THRAP3: variants seen among roughly 807,000 people sequenced by gnomAD.
THRAP3 encodes the protein thyroid hormone receptor associated protein 3.
THRAP3 carries 16 observed loss-of-function variants against 101.0 expected under a neutral mutation model. The ratio of observed to expected loss-of-function variants is 0.16; its 90% CI spans 0.11 to 0.24. The LOEUF (loss-of-function observed/expected upper bound fraction) is 0.24. Ranked by LOEUF, THRAP3 falls within the 10% of genes least tolerant of loss-of-function variation. The pLI is 1.00. For missense variants in THRAP3, 989 were observed against 1,202.7 expected, an observed-to-expected ratio of 0.82 and a Z score of 2.63; for synonymous variants, 407 against 422.6, an observed-to-expected ratio of 0.96 and a Z score of 0.45.
intron 2 of THRAP3, among the ~76,000 whole-genome samples, chr1:36,271,247 C>T (rs1471779907): frequency 2.0e-5 from 3 of 152,126 alleles, no homozygotes; most frequent in African/African-American, 4.8e-5. Context: ...AATTTCAGTA[C>T]CAAGTTCCAG....
chr1:36,239,497 G>A (rs376514406), intron 1 of THRAP3, among the ~76,000 whole-genome samples: 2 of 152,066 alleles, frequency 1.3e-5, no homozygotes, highest in Admixed American at 6.6e-5. Context: ...TAATGCCTGT[G>A]CTCAAGTAAT....
chr1:36,281,565 TC>T lies in THRAP3; in HGVS notation c.-31-967del, dbSNP rs1377847044. ...GAAAGAGCAGAGTGGTTTTTAAAAA[TC>T]AGTCATTTCATCTTTTTTTTTTTTT... On this transcript the variant is annotated intron_variant, in intron 2 of 11. Coordinates refer to ENST00000354618, the MANE Select transcript of THRAP3 (RefSeq NM_005119.4). Among the ~76,000 whole-genome samples the T allele has an allele frequency of 4.4e-5, 6 of 136,160 alleles. No homozygotes were observed. In the Admixed American group the frequency reaches 5.0e-4, roughly 11 times the overall value. The allele number at this position is 136,160 out of a possible 152,430, so 89.3% of individuals were successfully genotyped here. A position where few individuals can be genotyped will look rare whatever the true frequency, so the allele number is the denominator to read the frequency against.
In THRAP3 at chr1:36,286,378, C is replaced by T; in HGVS notation, c.148C>T (p.Arg50Cys). The change falls in exon 4 of 12, where the codon CGT (arginine) becomes TGT (cysteine). Residue 50 changes from arginine to cysteine, a missense_variant. By Grantham distance (180) the Arg-to-Cys change is radical. Transcript: ENST00000354618. The surrounding 1 kb of genome is among the most constrained non-coding windows in gnomAD (Gnocchi z 5.5). ...TCCTTTCCATTCCAGTTCTAGGTCT[C>T]GTTCCAGATCATATTCTCCAGCTCA... ...SRKRRLSSRS[R>C]SRSYSPAHNR... 6.3e-7 allele frequency: 1 copy of T among 1,577,984 alleles called. No individual in the cohort carries two copies.
chr1:36,304,564 C>CA lies in THRAP3; in HGVS notation c.*548dup, dbSNP rs1646074904. The CA allele has an allele frequency of 4.6e-6, 1 of 218,204 alleles. No homozygotes were observed. The highest frequency in any genetic ancestry group is 9.2e-6 in the Non-Finnish European group (1 of 109,038). 13.5% of individuals were successfully genotyped at this position (218,204 alleles called of 1,614,324 possible). A position where few individuals can be genotyped will look rare whatever the true frequency, so the allele number is the denominator to read the frequency against. Reference sequence around the variant, plus strand: ...GCATGTGAATAAACTTTGAAGTGTTCACCTCAGTTTGGGACCAAACTGCTT... The same window carrying CA: ...GCATGTGAATAAACTTTGAAGTGTTCAACCTCAGTTTGGGACCAAACTGCTT... On this transcript the variant is annotated 3_prime_UTR_variant, in exon 12 of 12. Transcript: ENST00000354618.
At chr1:36,213,941 AAGAAAGAAAGAAAGAAAGAAGGAAAG>A in the THRAP3 span, among the ~76,000 whole-genome samples, 615 of 128,450 alleles carry the variant, frequency 4.8e-3, 13 homozygotes, top group African/African-American at 0.017. Flanking sequence ...GAAAGAAAGA[AAGAAAGAAAGAAAGAAAGAAGGAAAG>A]AGAAAGAAAG....
Position 36,286,469 on chromosome 1 carries a change from A to G in THRAP3, c.239A>G (p.Tyr80Cys), listed in dbSNP as rs778884361. 2 of 1,614,212 alleles carry G rather than the reference A, an allele frequency of 1.2e-6. No homozygotes were observed. Among genetic ancestry groups the G allele is most frequent in the Non-Finnish European group, 1.7e-6 (2 of 1,180,030 alleles). Residue 80 changes from tyrosine (Y) to cysteine (C), a missense_variant, in exon 4 of 12, where the codon TAT (tyrosine) becomes TGT (cysteine). Physicochemically the swap from Tyr to Cys is radical, Grantham distance 194. Transcript: ENST00000354618. This position sits in a 1 kb window ranked among gnomAD's most constrained non-coding sequence, Gnocchi z 5.5. Reference sequence around the variant, plus strand: ...GATTTCCGAGGTCACAACAGAGGCTATAGAAGGCCCTATTATTTCCGTGGG... The same window carrying G: ...GATTTCCGAGGTCACAACAGAGGCTGTAGAAGGCCCTATTATTTCCGTGGG... Reference protein sequence around the residue: ...NRDFRGHNRGYRRPYYFRGRN... With the variant: ...NRDFRGHNRGCRRPYYFRGRN...
At chr1:36,243,476 T>C (rs1022017700) in intron 1 of THRAP3, among the ~76,000 whole-genome samples, 1 of 151,986 alleles carries the variant, frequency 6.6e-6, no homozygotes, top group African/African-American at 2.4e-5. Context: ...CAACCCTGAG[T>C]GGATACAGCA....
At chr1:36,231,828 G>A (rs1645031130) in intron 1 of THRAP3, among the ~76,000 whole-genome samples, 1 of 152,106 alleles carries the variant, frequency 6.6e-6, no homozygotes, top group Non-Finnish European at 1.5e-5. Flanking sequence ...AATTCCTTTG[G>A]CTTGAAAGAC....
Position 36,303,852 on chromosome 1 carries a change from A to G in THRAP3, c.2703A>G (p.Arg901=). 2 of 1,614,126 alleles carry G rather than the reference A, an allele frequency of 1.2e-6. No individual in the cohort carries two copies. The highest frequency in any genetic ancestry group is 1.7e-6 in the Non-Finnish European group (2 of 1,180,014). Residue 901 remains arginine, a synonymous_variant, in exon 12 of 12, where the codon CGA becomes CGG. Coordinates refer to ENST00000354618, the MANE Select transcript of THRAP3 (RefSeq NM_005119.4). ...AGTGGGTGAGCCGGGGCCGGGGCCG[A>G]GGAGCCTTTCCTCGGGGTCGGGGCC... is the stretch of plus-strand genomic sequence containing the variant. ...SDKWVSRGRG[R]GAFPRGRGRF... is the part of the protein sequence containing the mutation.
chr1:36,283,881 A>G (rs1416102263), intron 3 of THRAP3, among the ~76,000 whole-genome samples: 2 of 152,202 alleles, frequency 1.3e-5, no homozygotes, highest in Non-Finnish European at 2.9e-5. Context: ...GGAGTCTATG[A>G]GAAGCCAGCC....
chr1:36,237,894 T>A (rs186542679), intron 1 of THRAP3, among the ~76,000 whole-genome samples: 1 of 152,218 alleles, frequency 6.6e-6, no homozygotes, highest in Non-Finnish European at 1.5e-5. Context: ...TGAACATAGC[T>A]GACTGTAGCC....
intron 1 of THRAP3, among the ~76,000 whole-genome samples, chr1:36,241,432 C>CACAT (rs1162814416): frequency 1.8e-4 from 24 of 135,674 alleles, no homozygotes; most frequent in African/African-American, 7.0e-4. Flanking sequence ...TATATATACA[C>CACAT]ATATATAAAT....
rs1031029489 is a variant in THRAP3, at chr1:36,289,730, G to A, written c.1711G>A (p.Val571Ile). The change falls in exon 5 of 12, where the codon GTC becomes ATC. Residue 571 changes from valine to isoleucine, a missense_variant. By Grantham distance (29) the Val-to-Ile change is conservative (BLOSUM62 3). Transcript: ENST00000354618. ...FSITREAQVN[V>I]RMDSFDEDLA... ...CATTACTCGAGAGGCACAGGTCAAT[G>A]TCCGGATGGACTCTTTTGATGAGGA... 1 of 1,612,490 alleles carries A rather than the reference G, an allele frequency of 6.2e-7. No homozygotes were observed. Among genetic ancestry groups the A allele is most frequent in the African/African-American group, 1.3e-5 (1 of 74,768 alleles).
In THRAP3 at chr1:36,259,757, C is replaced by T. The variant is rs774118537; in HGVS notation, c.-32+273C>T. Among the ~76,000 whole-genome samples, 151 of 102,504 alleles carry T rather than the reference C, an allele frequency of 1.5e-3. 1 individual carries two copies. The highest frequency in any genetic ancestry group is 2.0e-3 in the Non-Finnish European group (100 of 48,900). The allele number at this position is 102,504 out of a possible 152,430, so 67.2% of individuals were successfully genotyped here. A position where few individuals can be genotyped will look rare whatever the true frequency, so the allele number is the denominator to read the frequency against. ...CTCCAGCCTGGGTGACAGCAAGACCCTGTCTCAAAAAAAAAAAAAAGAAAA... is the reference window on the plus strand; with the variant it reads ...CTCCAGCCTGGGTGACAGCAAGACCTTGTCTCAAAAAAAAAAAAAAGAAAA... On this transcript the variant is annotated intron_variant, in intron 2 of 11. Transcript: ENST00000354618.
At chr1:36,303,738 A>G in intron 11 of THRAP3, 58 bp from the exon 12 acceptor site, 1 of 1,611,000 alleles carries the variant, frequency 6.2e-7, no homozygotes, top group Non-Finnish European at 8.5e-7. Flanking sequence ...TGCAGAGAAG[A>G]GAGCTCTGGC....
intron 1 of THRAP3, among the ~76,000 whole-genome samples, chr1:36,227,711 A>G (rs1644977747): frequency 6.6e-6 from 1 of 152,130 alleles, no homozygotes; most frequent in Admixed American, 6.6e-5. Flanking sequence ...GTTACCTGAC[A>G]GAGCAAGAAA....
intron 1 of THRAP3, among the ~76,000 whole-genome samples, chr1:36,246,421 CG>C (rs1645231248): frequency 6.6e-6 from 1 of 152,096 alleles, no homozygotes; most frequent in African/African-American, 2.4e-5. Flanking sequence ...TTAGTAGAGA[CG>C]GGGTTTCACC....
chr1:36,291,574 G>A (rs1368125368), intron 6 of THRAP3, 28 bp downstream of exon 6: 1 of 1,606,860 alleles, frequency 6.2e-7, no homozygotes, highest in Admixed American at 1.7e-5. Flanking sequence ...CCTGCTTCAG[G>A]CTCGTGTTCC....
intron 1 of THRAP3, among the ~76,000 whole-genome samples, chr1:36,226,275 T>G (rs918722204): frequency 6.6e-6 from 1 of 152,182 alleles, no homozygotes; most frequent in Non-Finnish European, 1.5e-5. Context: ...ATTATTATTT[T>G]TTGAGACAAA....
Sources: allele counts gnomAD v4.1 joint callset (sites outside exome capture counted in the v4.1 genomes callset), GRCh38; gene constraint gnomAD v4.1.1; non-coding constraint Gnocchi (gnomAD v3.1); transcripts MANE v1.5; gene names NCBI Gene and HGNC (gene_info 2026-07-23, HGNC 2026-07-21).